Variants in MARCHF1 observed in about 807,000 individuals in gnomAD.
MARCHF1 encodes the protein membrane associated ring-CH-type finger 1, also known as E3 ubiquitin-protein ligase MARCHF1.
MARCHF1 carries 40 observed loss-of-function variants against 54.2 expected under a neutral mutation model. That is an observed-to-expected ratio of 0.74 (90% CI 0.57 to 0.96). MARCHF1 has a LOEUF of 0.96. Ranked by LOEUF, MARCHF1 falls within the 40% of genes least tolerant of loss-of-function variation. MARCHF1 has a pLI of 0.00. For missense variants in MARCHF1, 586 were observed against 656.5 expected, an observed-to-expected ratio of 0.89 and a Z score of 1.17; for synonymous variants, 236 against 236.3, an observed-to-expected ratio of 1.00 and a Z score of 0.01.
intron 1 of MARCHF1, among the ~76,000 whole-genome samples, chr4:164,270,411 G>A (rs1382344328): frequency 6.6e-6 from 1 of 152,042 alleles, no homozygotes; most frequent in African/African-American, 2.4e-5. Context: ...TTGACAAACT[G>A]TAAATATACA....
intron 5 of MARCHF1, among the ~76,000 whole-genome samples, chr4:163,687,191 C>A (rs1185002912): frequency 6.6e-6 from 1 of 151,906 alleles, no homozygotes; most frequent in East Asian, 1.9e-4. Flanking sequence ...TGTCTAACCC[C>A]CCAAGTTCAA....
chr4:163,573,300 T>G (rs1013588093), intron 8 of MARCHF1, among the ~76,000 whole-genome samples: 2 of 129,304 alleles, frequency 1.5e-5, no homozygotes, highest in Non-Finnish European at 3.1e-5. Context: ...TTTCTCTTAT[T>G]ATTATTATTA....
chr4:163,612,715 C>T lies in MARCHF1; in HGVS notation c.566G>A (p.Arg189Lys). ...VKFRLSRRRR[R>K]NNNKPCENLA... ...GTTTTCACACGGCTTATTATTATTT[C>T]TCCTCCTTCTTCTTGACAGTCTGAA... Residue 189 changes from arginine (R) to lysine (K), a missense_variant, in exon 7 of 10, where the codon AGA becomes AAA. Coordinates refer to ENST00000514618, the MANE Select transcript of MARCHF1 (RefSeq NM_001394959.1). The T allele has an allele frequency of 6.5e-7, 1 of 1,535,530 alleles. No individual in the cohort carries two copies. Among genetic ancestry groups the T allele is most frequent in the East Asian group, 2.4e-5 (1 of 40,878 alleles).
chr4:163,606,420 T>G (rs957001790), intron 7 of MARCHF1, among the ~76,000 whole-genome samples: 1 of 152,094 alleles, frequency 6.6e-6, no homozygotes, highest in Non-Finnish European at 1.5e-5. Context: ...GAACTTATTC[T>G]GTAGGGAAAA....
intron 4 of MARCHF1, among the ~76,000 whole-genome samples, chr4:163,786,950 G>A (rs1234243562): frequency 6.6e-6 from 1 of 151,852 alleles, no homozygotes; most frequent in Non-Finnish European, 1.5e-5. Context: ...ACGGTCAAAT[G>A]ATTTTTGACA....
At chr4:163,633,414 G>A (rs1269199999) in intron 5 of MARCHF1, among the ~76,000 whole-genome samples, 1 of 152,208 alleles carries the variant, frequency 6.6e-6, no homozygotes, top group East Asian at 1.9e-4. Flanking sequence ...AGCTGATGGA[G>A]CTGAAAACCA....
intron 1 of MARCHF1, chr4:164,188,422 C>T (rs563458524): frequency 7.1e-6 from 4 of 565,632 alleles, no homozygotes; most frequent in East Asian, 3.1e-5. Flanking sequence ...TGCTGCTACT[C>T]GGTGAGGCGT....
At chr4:164,178,270 T>C (rs898768688) in intron 1 of MARCHF1, among the ~76,000 whole-genome samples, 4 of 152,258 alleles carry the variant, frequency 2.6e-5, no homozygotes, top group Admixed American at 6.5e-5. Flanking sequence ...GTAACTTTAG[T>C]TTGGAGATGC....
chr4:164,049,979 A>C (rs1457734906), intron 2 of MARCHF1, among the ~76,000 whole-genome samples: 1 of 152,190 alleles, frequency 6.6e-6, no homozygotes, highest in Non-Finnish European at 1.5e-5. Flanking sequence ...TTTGATATAA[A>C]AAATGAAGGC....
intron 2 of MARCHF1, among the ~76,000 whole-genome samples, chr4:164,047,168 A>G (rs921292578): frequency 3.3e-5 from 5 of 152,242 alleles, no homozygotes; most frequent in African/African-American, 7.2e-5. Context: ...ACATCCATAG[A>G]GAAGAAACCC....
At chr4:164,084,798 T>A (rs1276658495) in intron 2 of MARCHF1, among the ~76,000 whole-genome samples, 1 of 151,804 alleles carries the variant, frequency 6.6e-6, no homozygotes, top group Non-Finnish European at 1.5e-5. Context: ...ATTCAACTTG[T>A]TTAGCTATAT....
chr4:164,066,217 T>G (rs552045438), intron 2 of MARCHF1, among the ~76,000 whole-genome samples: 1 of 151,352 alleles, frequency 6.6e-6, no homozygotes, highest in East Asian at 1.9e-4. Flanking sequence ...ACAAATGATA[T>G]AAACACTTTT....
chr4:163,834,414 A>G (rs998925441), intron 4 of MARCHF1, among the ~76,000 whole-genome samples: 1 of 152,208 alleles, frequency 6.6e-6, no homozygotes, highest in Non-Finnish European at 1.5e-5. Context: ...AAGCATTATA[A>G]GAAAATAAAG....
chr4:163,887,164 TAC>T (rs1414363108), intron 3 of MARCHF1, among the ~76,000 whole-genome samples: 1 of 152,098 alleles, frequency 6.6e-6, no homozygotes, highest in African/African-American at 2.4e-5. Context: ...ATAAAAATAT[TAC>T]ACATTGTGAT....
chr4:163,912,892 A>G (rs934113869), intron 3 of MARCHF1, among the ~76,000 whole-genome samples: 10 of 152,348 alleles, frequency 6.6e-5, no homozygotes, highest in African/African-American at 2.2e-4. Flanking sequence ...AAAAATACGA[A>G]GAGCTTCATA....
chr4:164,036,661 C>A (rs916885762), intron 2 of MARCHF1, among the ~76,000 whole-genome samples: 3 of 152,020 alleles, frequency 2.0e-5, no homozygotes, highest in African/African-American at 7.2e-5. Context: ...ACAGACAATT[C>A]ATGAAAAAGC....
rs534400259 is a variant in MARCHF1 at position 164,077,602 on chromosome 4, A to C, written c.-248+33986T>G. On this transcript the variant is annotated intron_variant, in intron 2 of 9. Coordinates refer to ENST00000514618, the MANE Select transcript of MARCHF1 (RefSeq NM_001394959.1). ...ATCAGAGTGAACAGGCAACCTACAG[A>C]ATGGGAGAAAATTTTTGCAATCTAT... Among the ~76,000 whole-genome samples, 15 of 152,348 alleles carry C rather than the reference A, an allele frequency of 9.8e-5. No individual in the cohort carries two copies. The East Asian group carries it at 2.7e-3, about 27-fold the overall frequency.
intron 1 of MARCHF1, among the ~76,000 whole-genome samples, chr4:164,356,080 C>A (rs1730522763): frequency 7.4e-6 from 1 of 135,726 alleles, no homozygotes; most frequent in Non-Finnish European, 1.6e-5. Flanking sequence ...CATCTCACAC[C>A]AGTTAGAATG....
At chr4:163,759,824 C>T (rs973991407) in intron 4 of MARCHF1, among the ~76,000 whole-genome samples, 2 of 152,124 alleles carry the variant, frequency 1.3e-5, no homozygotes, top group South Asian at 2.1e-4. Context: ...CATCTAACTG[C>T]ACATTTATTC....
Sources: allele counts gnomAD v4.1 joint callset (sites outside exome capture counted in the v4.1 genomes callset), GRCh38; gene constraint gnomAD v4.1.1; transcripts MANE v1.5; gene names NCBI Gene and HGNC (gene_info 2026-07-23, HGNC 2026-07-21).